Variants in SULT1B1 observed in about 807,000 individuals in gnomAD.
The protein encoded by SULT1B1 is sulfotransferase 1B1.
A neutral mutation model predicts 34.6 loss-of-function variants in SULT1B1; 28 were observed. The observed-to-expected ratio is 0.81, with a 90% CI of 0.60 to 1.11. SULT1B1 has a LOEUF of 1.11. Ranked by LOEUF, SULT1B1 falls within the 50% of genes least tolerant of loss-of-function variation. The pLI, the probability that SULT1B1 is intolerant of heterozygous loss-of-function variation, is 0.00. For synonymous variants in SULT1B1, 147 were observed against 110.2 expected, an observed-to-expected ratio of 1.33 and a Z score of -2.09; for missense variants, 374 against 352.2, an observed-to-expected ratio of 1.06 and a Z score of -0.50.
intron 4 of SULT1B1, among the ~76,000 whole-genome samples, chr4:69,741,977 C>T (rs56377923): frequency 0.11 from 17,071 of 152,158 alleles, 1,076 homozygotes; most frequent in Middle Eastern, 0.19. Context: ...ATGGGGAATG[C>T]TTTTAACTTT....
chr4:69,757,338 A>G (rs534383908), intron 1 of SULT1B1, among the ~76,000 whole-genome samples: 5 of 152,308 alleles, frequency 3.3e-5, no homozygotes, highest in Non-Finnish European at 7.4e-5. Context: ...GCTTCTAGTA[A>G]AATAACTTTA....
In SULT1B1 at chr4:69,721,603, G is replaced by A. The variant is rs1717670568; in HGVS notation, c.*5485C>T. The A allele has an allele frequency of 6.6e-6, 1 of 151,958 alleles. No homozygotes were observed. The highest frequency in any genetic ancestry group is 6.6e-5 in the Admixed American group (1 of 15,236). The allele number at this position is 151,958 out of a possible 1,614,324, so 9.4% of individuals were successfully genotyped here. The stretch of plus-strand genomic sequence containing the variant: ...GCAATTTTTATCACACAGAACATAG[G>A]GTCAATGGGAAAGAGAATGAAGAAT... On this transcript the variant is annotated 3_prime_UTR_variant, in exon 8 of 8. Transcript: ENST00000310613.
chr4:69,749,323 T>C (rs1458057350), intron 4 of SULT1B1, among the ~76,000 whole-genome samples: 1 of 152,164 alleles, frequency 6.6e-6, no homozygotes, highest in East Asian at 1.9e-4. Flanking sequence ...CTGTAGCTAT[T>C]AAATAAATAG....
chr4:69,739,284 A>G (rs192978021), intron 4 of SULT1B1, among the ~76,000 whole-genome samples: 1 of 152,302 alleles, frequency 6.6e-6, no homozygotes, highest in Admixed American at 6.5e-5. Flanking sequence ...GTTCTCCATG[A>G]GAGCTCCGCC....
chr4:69,740,484 T>C (rs1718503690), intron 4 of SULT1B1, among the ~76,000 whole-genome samples: 1 of 152,186 alleles, frequency 6.6e-6, no homozygotes, highest in African/African-American at 2.4e-5. Context: ...ACCAACCCAA[T>C]GATTCAATTA....
chr4:69,726,921 G>T lies in SULT1B1; in HGVS notation c.*167C>A, dbSNP rs182112269. 1 of 480,800 alleles carries T rather than the reference G, an allele frequency of 2.1e-6. No homozygotes were observed. The highest frequency in any genetic ancestry group is 4.2e-5 in the Admixed American group (1 of 23,790). 29.8% of individuals were successfully genotyped at this position (480,800 alleles called of 1,614,324 possible). A position where few individuals can be genotyped will look rare whatever the true frequency, so the allele number is the denominator to read the frequency against. On this transcript the variant is annotated 3_prime_UTR_variant, in exon 8 of 8. Coordinates refer to ENST00000310613, the MANE Select transcript of SULT1B1 (RefSeq NM_014465.4). ...GAGAATTTGGAAACTCAGAATCAAA[G>T]GAACAAAACTGGGATCTGATTAATA...
rs1264076596 is a variant in SULT1B1 at position 69,730,615 on chromosome 4, C to G, written c.664G>C (p.Asp222His). 6.2e-7 allele frequency: 1 copy of G among 1,613,146 alleles called. No individual in the cohort carries two copies. Among genetic ancestry groups the G allele is most frequent in the African/African-American group, 1.3e-5 (1 of 74,878 alleles). Residue 222 changes from aspartate (D) to histidine (H), a missense_variant, in exon 7 of 8, where the codon GAT becomes CAT. Physicochemically the swap from Asp to His is moderately conservative, Grantham distance 81. Transcript: ENST00000310613. ...AATGAGGTGTGATGGATGATCCTAT[C>G]CAAGATCTCATCATTCAGGTTCTTC... ...LEKNLNDEIL[D>H]RIIHHTSFEV...
chr4:69,747,256 G>A (rs987469122), intron 4 of SULT1B1, among the ~76,000 whole-genome samples: 2 of 152,218 alleles, frequency 1.3e-5, no homozygotes, highest in African/African-American at 2.4e-5. Flanking sequence ...AGGGTAGCAG[G>A]GGTAGGCTGC....
intron 2 of SULT1B1, 127 bp downstream of exon 2, chr4:69,754,943 C>T (rs1019090845): frequency 8.2e-7 from 1 of 1,225,990 alleles, no homozygotes; most frequent in Non-Finnish European, 1.2e-6. Flanking sequence ...TTTTAATATA[C>T]TAAAATAGAT....
rs186865705 is a variant in SULT1B1, at chr4:69,740,860, C to A, written c.376-6596G>T. On this transcript the variant is annotated intron_variant, in intron 4 of 7. Coordinates refer to ENST00000310613, the MANE Select transcript of SULT1B1 (RefSeq NM_014465.4). ...GATGTATAGTTTGTAAATATTTTCT[C>A]GCATTTTCTATGCAGAAACTATTTA... Among the ~76,000 whole-genome samples the A allele has an allele frequency of 1.9e-4, 29 of 152,140 alleles. No homozygotes were observed. In the East Asian group the frequency reaches 5.4e-3, roughly 28 times the overall value.
rs1331624715 is a variant in SULT1B1 at position 69,726,547 on chromosome 4, G to C, written c.*541C>G. The C allele has an allele frequency of 1.3e-5, 2 of 151,990 alleles. No homozygotes were observed. Among genetic ancestry groups the C allele is most frequent in the Admixed American group, 1.3e-4 (2 of 15,210 alleles). 9.4% of individuals were successfully genotyped at this position (151,990 alleles called of 1,614,324 possible). A position where few individuals can be genotyped will look rare whatever the true frequency, so the allele number is the denominator to read the frequency against. On this transcript the variant is annotated 3_prime_UTR_variant, in exon 8 of 8. Transcript: ENST00000310613. ...AAGATTTCCAAAATCTGAACTACAT[G>C]ATCGGGGACATGAACTTTGTTATCC...
rs1717801455 is a variant in SULT1B1 at position 69,725,565 on chromosome 4, T to G, written c.*1523A>C. The G allele has an allele frequency of 6.6e-6, 1 of 152,088 alleles. No individual in the cohort carries two copies. The highest frequency in any genetic ancestry group is 1.5e-5 in the Non-Finnish European group (1 of 68,022). 9.4% of individuals were successfully genotyped at this position (152,088 alleles called of 1,614,324 possible). A position where few individuals can be genotyped will look rare whatever the true frequency, so the allele number is the denominator to read the frequency against. ...TAAATCATGCTGCTATAAAGACACATGCACACGTATATTTATTGCGGCACT... is the reference window on the plus strand; with the variant it reads ...TAAATCATGCTGCTATAAAGACACAGGCACACGTATATTTATTGCGGCACT... On this transcript the variant is annotated 3_prime_UTR_variant, in exon 8 of 8. Transcript: ENST00000310613.
chr4:69,744,873 C>A (rs546746865), intron 4 of SULT1B1, among the ~76,000 whole-genome samples: 14 of 152,272 alleles, frequency 9.2e-5, no homozygotes, highest in East Asian at 3.9e-4. Flanking sequence ...GCACTATAAA[C>A]CTTCTTAGTA....
chr4:69,745,292 G>A (rs963598941), intron 4 of SULT1B1, among the ~76,000 whole-genome samples: 8 of 152,166 alleles, frequency 5.3e-5, no homozygotes, highest in Non-Finnish European at 8.8e-5. Flanking sequence ...ATCTGACACT[G>A]TCAGTGTGGT....
intron 1 of SULT1B1, chr4:69,758,231 G>A: frequency 1.2e-6 from 1 of 858,450 alleles, no homozygotes; most frequent in Non-Finnish European, 1.4e-6. Flanking sequence ...TGTAAGCAGT[G>A]TACTTGGGAT....
chr4:69,730,174 T>A (rs1718018238), intron 7 of SULT1B1, among the ~76,000 whole-genome samples: 1 of 152,126 alleles, frequency 6.6e-6, no homozygotes, highest in Admixed American at 6.6e-5. Flanking sequence ...GGAAGGAAGC[T>A]TATCTATGCC....
intron 4 of SULT1B1, among the ~76,000 whole-genome samples, chr4:69,742,325 G>A (rs78786662): frequency 0.046 from 7,069 of 152,242 alleles, 232 homozygotes; most frequent in East Asian, 0.093. Context: ...TTGTCCTGAA[G>A]TTTTCTTTTT....
At chr4:69,733,373 C>T in intron 6 of SULT1B1, 40 bp downstream of exon 6, 1 of 1,402,884 alleles carries the variant, frequency 7.1e-7, no homozygotes, top group African/African-American at 1.4e-5. Context: ...CAGCATGATG[C>T]AGTGGGGAAA....
intron 4 of SULT1B1, among the ~76,000 whole-genome samples, chr4:69,735,652 A>G (rs1718275617): frequency 6.6e-6 from 1 of 152,268 alleles, no homozygotes. Context: ...ATGTGGCATC[A>G]GCAGGGATGG....
Sources: gnomAD v4.1 joint callset for allele counts (sites outside exome capture counted in the v4.1 genomes callset) on GRCh38, gnomAD v4.1.1 for gene constraint, MANE v1.5 for transcripts, NCBI Gene and HGNC (gene_info 2026-07-23, HGNC 2026-07-21) for gene names.